Variants in DAB1 observed in about 807,000 individuals in gnomAD.
DAB1 encodes DAB adaptor protein 1.
Under a neutral mutation model 64.6 loss-of-function variants are expected in DAB1, and 15 were observed. The observed-to-expected ratio is 0.23, with a 90% CI of 0.16 to 0.36. DAB1 has a LOEUF of 0.36. DAB1 is among the 10% of genes least tolerant of loss of function. The pLI is 1.00. For missense variants in DAB1, 596 were observed against 706.7 expected (o/e 0.84, Z 1.78); for synonymous variants, 235 against 251.9 (o/e 0.93, Z 0.64).
At chr1:57,646,729 A>G (rs1646195896) in intron 7 of DAB1, among the ~76,000 whole-genome samples, 1 of 152,184 alleles carries the variant, frequency 6.6e-6, no homozygotes. Flanking sequence ...AGCATGGGTG[A>G]CAGAGCGAGA....
chr1:58,404,150 C>T (rs147069106), intron 3 of DAB1, among the ~76,000 whole-genome samples: 131 of 152,222 alleles, frequency 8.6e-4, no homozygotes, highest in African/African-American at 2.7e-3. Context: ...AGTGGTGAGA[C>T]ATGTCACTGG....
intron 2 of DAB1, among the ~76,000 whole-genome samples, chr1:57,231,452 A>G (rs1667676952): frequency 6.6e-6 from 1 of 152,204 alleles, no homozygotes; most frequent in South Asian, 2.1e-4. Flanking sequence ...TACACCCTCT[A>G]TCAAATACAG....
intron 7 of DAB1, among the ~76,000 whole-genome samples, chr1:57,614,070 G>A (rs1001225919): frequency 1.3e-5 from 2 of 152,254 alleles, no homozygotes; most frequent in Non-Finnish European, 1.5e-5. Flanking sequence ...AGGTGGACCC[G>A]TAATGAATTG....
chr1:57,743,647 C>T (rs1304285169), intron 6 of DAB1, among the ~76,000 whole-genome samples: 1 of 152,160 alleles, frequency 6.6e-6, no homozygotes, highest in Non-Finnish European at 1.5e-5. Context: ...GCAGGGCCTA[C>T]AGGTGTGTGC....
At chr1:57,096,769 T>C (rs1241315176) in intron 4 of DAB1, among the ~76,000 whole-genome samples, 1 of 152,242 alleles carries the variant, frequency 6.6e-6, no homozygotes, top group East Asian at 1.9e-4. Flanking sequence ...GCCTGCATTG[T>C]TCACTACTAT....
chr1:57,987,815 C>A (rs1276513720), intron 5 of DAB1, among the ~76,000 whole-genome samples: 2 of 151,304 alleles, frequency 1.3e-5, no homozygotes, highest in African/African-American at 4.9e-5. Flanking sequence ...GAAGTGTCCC[C>A]TCCAAAGTGA....
At chr1:57,675,960 A>G (rs1646561739) in intron 6 of DAB1, among the ~76,000 whole-genome samples, 2 of 152,178 alleles carry the variant, frequency 1.3e-5, no homozygotes, top group African/African-American at 4.8e-5. Context: ...GCAAAACAGC[A>G]CCCAGAAGTA....
chr1:57,506,365 C>T (rs957870313), intron 7 of DAB1, among the ~76,000 whole-genome samples: 3 of 151,914 alleles, frequency 2.0e-5, no homozygotes, highest in African/African-American at 7.2e-5. Context: ...GGTAGATTCA[C>T]ACTGCGTTAT....
At chr1:58,156,000 T>G (rs764761326) in intron 4 of DAB1, among the ~76,000 whole-genome samples, 1 of 152,242 alleles carries the variant, frequency 6.6e-6, no homozygotes, top group Non-Finnish European at 1.5e-5. Context: ...AAGAGAGTAC[T>G]TTCTGAAGTC....
At chr1:57,407,003 C>A (rs1028101176) in intron 1 of DAB1, among the ~76,000 whole-genome samples, 3 of 152,190 alleles carry the variant, frequency 2.0e-5, no homozygotes, top group Non-Finnish European at 4.4e-5. Flanking sequence ...CTGGAGTTTT[C>A]TGTAAGTTAT....
At chr1:57,299,403 G>A (rs1341202586) in intron 1 of DAB1, among the ~76,000 whole-genome samples, 1 of 152,200 alleles carries the variant, frequency 6.6e-6, no homozygotes, top group African/African-American at 2.4e-5. Context: ...TCTTCGGCAA[G>A]GCAAAGAGGG....
At chr1:57,469,266 C>T (rs1461777028) in intron 7 of DAB1, among the ~76,000 whole-genome samples, 1 of 152,136 alleles carries the variant, frequency 6.6e-6, no homozygotes, top group Non-Finnish European at 1.5e-5. Context: ...TTAACATATG[C>T]AAAGCACTTA....
At position 58,521,905 on chromosome 1, in the gene DAB1, T is replaced by C. The variant is rs142125581; in HGVS notation, n.107+5356A>G. ...AAATGAAGAACACTTCCCTGATCAA[T>C]TTTATGAGGCCAGCATAACTTTGAT... On this transcript the variant is annotated intron_variant and non_coding_transcript_variant, in intron 2 of 20. Coordinates refer to the DAB1 transcript ENST00000485760. Among the ~76,000 whole-genome samples, 13 of 152,290 alleles carry C rather than the reference T, an allele frequency of 8.5e-5. No individual in the cohort carries two copies. The East Asian group carries it at 2.5e-3, about 29-fold the overall frequency.
intron 1 of DAB1, among the ~76,000 whole-genome samples, chr1:57,348,659 C>G (rs12126723): frequency 0.52 from 79,208 of 151,822 alleles, 21,433 homozygotes; most frequent in African/African-American, 0.56. Context: ...TCAATGAAGC[C>G]AACTAGAATG....
intron 7 of DAB1, among the ~76,000 whole-genome samples, chr1:57,508,075 C>T (rs1644365907): frequency 6.6e-6 from 1 of 152,186 alleles, no homozygotes; most frequent in Non-Finnish European, 1.5e-5. Context: ...GTCTGAGGAC[C>T]ACACTTTGAA....
chr1:57,557,675 C>T (rs1645006027), intron 7 of DAB1, among the ~76,000 whole-genome samples: 1 of 152,108 alleles, frequency 6.6e-6, no homozygotes. Context: ...CACCGACAGT[C>T]CTTGGCATGA....
intron 2 of DAB1, among the ~76,000 whole-genome samples, chr1:57,273,792 C>A (rs541720380): frequency 7.2e-5 from 11 of 151,900 alleles, no homozygotes; most frequent in Non-Finnish European, 1.5e-4. Flanking sequence ...GGAATCTCAC[C>A]AGCCCTTGAC....
chr1:57,068,945 T>C (rs1480984086), intron 8 of DAB1, among the ~76,000 whole-genome samples: 3 of 152,248 alleles, frequency 2.0e-5, no homozygotes, highest in African/African-American at 4.8e-5. Context: ...ATATTCTCAA[T>C]GTTGTTTTCA....
intron 6 of DAB1, among the ~76,000 whole-genome samples, chr1:57,690,692 C>T (rs754109853): frequency 3.9e-5 from 6 of 151,996 alleles, no homozygotes; most frequent in Non-Finnish European, 7.4e-5. Context: ...TATGGTAGCC[C>T]GATTTTTAGT....
Sources: gnomAD v4.1 joint callset for allele counts (sites outside exome capture counted in the v4.1 genomes callset) on GRCh38, gnomAD v4.1.1 for gene constraint, MANE v1.5 for transcripts, NCBI Gene and HGNC (gene_info 2026-07-23, HGNC 2026-07-21) for gene names.